AFG1L: variants seen among roughly 807,000 people sequenced by gnomAD.
The protein encoded by AFG1L is AFG1 like ATPase, also known as AFG1-like ATPase.
AFG1L carries 53 observed loss-of-function variants against 62.2 expected under a neutral mutation model. The observed-to-expected ratio is 0.85, with a 90% CI of 0.68 to 1.07. The LOEUF is 1.07. Ranked by LOEUF, AFG1L falls within the 50% of genes least tolerant of loss-of-function variation. AFG1L has a pLI of 0.00. For synonymous variants in AFG1L, 228 were observed against 210.3 expected, an observed-to-expected ratio of 1.08 and a Z score of -0.73; for missense variants, 555 against 590.5, an observed-to-expected ratio of 0.94 and a Z score of 0.62.
rs1206640351 is a variant in AFG1L, at chr6:108,355,862, A to G, written c.517+107A>G. 3 of 778,452 alleles carry G rather than the reference A, an allele frequency of 3.9e-6. No homozygotes were observed. In the South Asian group the frequency reaches 4.9e-5, roughly 13 times the overall value. 48.2% of individuals were successfully genotyped at this position (778,452 alleles called of 1,614,324 possible). On this transcript the variant is annotated intron_variant, in intron 4 of 12. Coordinates refer to ENST00000368977, the MANE Select transcript of AFG1L (RefSeq NM_145315.5). Reference sequence around the variant, plus strand: ...CTTTAAAAATTAGATTTTTGCTTGCAGTAAGATTTTATTTGGTTCCATTTG... The same window carrying G: ...CTTTAAAAATTAGATTTTTGCTTGCGGTAAGATTTTATTTGGTTCCATTTG...
chr6:108,454,792 A>T (rs1772188001), intron 8 of AFG1L, among the ~76,000 whole-genome samples: 1 of 152,144 alleles, frequency 6.6e-6, no homozygotes, highest in South Asian at 2.1e-4. Context: ...AGCTGGGATT[A>T]CAGGCGCATG....
intron 8 of AFG1L, among the ~76,000 whole-genome samples, chr6:108,460,063 GACAAA>G (rs981238347): frequency 2.7e-5 from 4 of 148,472 alleles, no homozygotes; most frequent in Non-Finnish European, 4.4e-5. Context: ...TGAAAACAAA[GACAAA>G]ACAAAAAAAA....
At chr6:108,518,762 G>T (rs1264336217) in intron 11 of AFG1L, among the ~76,000 whole-genome samples, 2 of 152,188 alleles carry the variant, frequency 1.3e-5, no homozygotes, top group African/African-American at 4.8e-5. Context: ...ATGTAATCAA[G>T]AGATATTAAT....
intron 7 of AFG1L, among the ~76,000 whole-genome samples, chr6:108,434,756 C>T (rs1771231317): frequency 6.6e-6 from 1 of 152,168 alleles, no homozygotes; most frequent in Admixed American, 6.5e-5. Flanking sequence ...TCTATAGCCC[C>T]ATTTTGGGCC....
chr6:108,401,393 C>T (rs2114630208), intron 6 of AFG1L, among the ~76,000 whole-genome samples: 1 of 151,910 alleles, frequency 6.6e-6, no homozygotes, highest in Non-Finnish European at 1.5e-5. Context: ...CCACCCGCCT[C>T]GGCCTCCCAA....
At chr6:108,467,279 C>T (rs1582628838) in intron 8 of AFG1L, among the ~76,000 whole-genome samples, 1 of 148,132 alleles carries the variant, frequency 6.8e-6, no homozygotes, top group African/African-American at 2.5e-5. Flanking sequence ...TGGAGTTTCG[C>T]TCTTATTGCC....
At chr6:108,351,876 G>C (rs1349117213) in intron 3 of AFG1L, among the ~76,000 whole-genome samples, 1 of 151,972 alleles carries the variant, frequency 6.6e-6, no homozygotes, top group Non-Finnish European at 1.5e-5. Context: ...CAAATTGTAG[G>C]GGAGAAGTGT....
chr6:108,415,557 T>C (rs182990288), intron 7 of AFG1L, among the ~76,000 whole-genome samples: 1,567 of 152,334 alleles, frequency 0.01, 42 homozygotes, highest in Admixed American at 0.057. Flanking sequence ...AGCATGGTGC[T>C]GGTACCAAAA....
intron 12 of AFG1L, chr6:108,520,806 T>G (rs1285807657): frequency 6.5e-6 from 1 of 153,410 alleles, no homozygotes; most frequent in Non-Finnish European, 1.4e-5. Context: ...GGCTGGGAAG[T>G]CCAAGATCAG....
chr6:108,296,610 A>G (rs1371941381), intron 1 of AFG1L, among the ~76,000 whole-genome samples: 3 of 152,238 alleles, frequency 2.0e-5, no homozygotes, highest in Non-Finnish European at 2.9e-5. Flanking sequence ...TTGTGTATAC[A>G]GCAGTTAATT....
intron 7 of AFG1L, among the ~76,000 whole-genome samples, chr6:108,415,259 A>G (rs999644522): frequency 6.6e-6 from 1 of 152,236 alleles, no homozygotes; most frequent in African/African-American, 2.4e-5. Flanking sequence ...CCACTGCTCA[A>G]CTAAATAAAA....
At chr6:108,313,805 G>A (rs1777496410) in intron 1 of AFG1L, among the ~76,000 whole-genome samples, 1 of 152,068 alleles carries the variant, frequency 6.6e-6, no homozygotes, top group Admixed American at 6.6e-5. Context: ...CTCCCAAATT[G>A]CTATGATTAC....
intron 6 of AFG1L, among the ~76,000 whole-genome samples, chr6:108,383,250 T>C (rs1017062103): frequency 6.6e-6 from 1 of 151,988 alleles, no homozygotes; most frequent in Admixed American, 6.6e-5. Context: ...ATAAATAAAT[T>C]AAATTAAATT....
chr6:108,472,684 T>G (rs1012933946), intron 8 of AFG1L, among the ~76,000 whole-genome samples: 39 of 150,984 alleles, frequency 2.6e-4, no homozygotes, highest in African/African-American at 9.2e-4. Context: ...GAGCTATCTT[T>G]TTTTTTTTTT....
intron 5 of AFG1L, chr6:108,359,035 T>A (rs1385253098): frequency 6.6e-6 from 1 of 152,248 alleles, no homozygotes; most frequent in East Asian, 1.9e-4. Flanking sequence ...TAATTTCTTT[T>A]AAAATTTGTG....
At chr6:108,484,961 A>G (rs1241336452) in intron 10 of AFG1L, among the ~76,000 whole-genome samples, 1 of 152,226 alleles carries the variant, frequency 6.6e-6, no homozygotes, top group Non-Finnish European at 1.5e-5. Flanking sequence ...TAAAGGAAAA[A>G]GAAATATCTG....
At chr6:108,506,510 C>T (rs940560019) in intron 10 of AFG1L, among the ~76,000 whole-genome samples, 3 of 152,008 alleles carry the variant, frequency 2.0e-5, no homozygotes, top group Non-Finnish European at 2.9e-5. Flanking sequence ...GGCCTGGCTT[C>T]CTCCCGTATT....
chr6:108,479,985 G>A (rs1773266840), intron 10 of AFG1L, among the ~76,000 whole-genome samples: 1 of 151,920 alleles, frequency 6.6e-6, no homozygotes, highest in Admixed American at 6.6e-5. Flanking sequence ...AAACTTACCT[G>A]TGTCTTGATA....
chr6:108,441,018 A>G (rs1023493605), intron 7 of AFG1L, among the ~76,000 whole-genome samples: 1 of 152,172 alleles, frequency 6.6e-6, no homozygotes, highest in African/African-American at 2.4e-5. Flanking sequence ...TTTTTTCCTC[A>G]TGTTCCAAAT....
Sources: allele counts gnomAD v4.1 joint callset (sites outside exome capture counted in the v4.1 genomes callset), GRCh38; gene constraint gnomAD v4.1.1; transcripts MANE v1.5; gene names NCBI Gene and HGNC (gene_info 2026-07-23, HGNC 2026-07-21).